SLMAP: variants seen among roughly 807,000 people sequenced by gnomAD.
SLMAP encodes the protein sarcolemma associated protein.
In SLMAP, 44 loss-of-function variants were observed where a neutral mutation model predicts 128.8. The ratio of observed to expected loss-of-function variants is 0.34; its 90% CI spans 0.27 to 0.44. The LOEUF (loss-of-function observed/expected upper bound fraction) is 0.44, where lower values mean the gene tolerates loss of function less well. SLMAP is among the 20% of genes least tolerant of loss of function. The pLI is 1.00. For missense variants in SLMAP, 787 were observed against 985.3 expected, an observed-to-expected ratio of 0.80 and a Z score of 2.69; for synonymous variants, 327 against 348.8, an observed-to-expected ratio of 0.94 and a Z score of 0.70.
intron 23 of SLMAP, 45 bp downstream of exon 23, chr3:57,923,068 G>T: frequency 1.3e-6 from 2 of 1,579,686 alleles, no homozygotes; most frequent in Middle Eastern, 3.4e-4. Flanking sequence ...AGAGGCACAT[G>T]AGAGATTGAA....
chr3:57,816,409 G>A (rs2091868833), intron 2 of SLMAP, among the ~76,000 whole-genome samples: 1 of 152,158 alleles, frequency 6.6e-6, no homozygotes, highest in African/African-American at 2.4e-5. Flanking sequence ...CTCCCAAAGT[G>A]CTGGGATTAC....
At chr3:57,831,324 A>G in intron 2 of SLMAP, 59 bp from the exon 3 acceptor site, 1 of 1,220,230 alleles carries the variant, frequency 8.2e-7, no homozygotes, top group African/African-American at 1.6e-5. Flanking sequence ...TTTAAAAAGT[A>G]CATTTGGAAT....
At chr3:57,794,566 T>C (rs1037546639) in intron 2 of SLMAP, among the ~76,000 whole-genome samples, 2 of 152,188 alleles carry the variant, frequency 1.3e-5, no homozygotes, top group African/African-American at 4.8e-5. Context: ...AAAGAAAGTT[T>C]GTATTCATTA....
intron 15 of SLMAP, among the ~76,000 whole-genome samples, chr3:57,892,928 G>A (rs1343736816): frequency 6.6e-6 from 1 of 151,004 alleles, no homozygotes; most frequent in African/African-American, 2.4e-5. Flanking sequence ...CTGCCTCCAG[G>A]GTTTGTGCCA....
At position 57,757,657 on chromosome 3, in the gene SLMAP, G is replaced by A; in HGVS notation, c.6G>A (p.Pro2=). 4 of 1,614,018 alleles carry A rather than the reference G, an allele frequency of 2.5e-6. No individual in the cohort carries two copies. Among genetic ancestry groups the A allele is most frequent in the Non-Finnish European group, 3.4e-6 (4 of 1,179,980 alleles). M[P]SALAIFTCRP... ...ACACCCCCAGTCTATCCTCGATGCC[G>A]TCAGCCTTGGCCATCTTCACTTGCC... Residue 2 remains proline, a synonymous_variant, in exon 2 of 25, where the codon CCG becomes CCA. Transcript: ENST00000671191.
intron 14 of SLMAP, among the ~76,000 whole-genome samples, chr3:57,878,869 C>G (rs2095662351): frequency 1.3e-5 from 2 of 152,216 alleles, no homozygotes; most frequent in Non-Finnish European, 1.5e-5. Flanking sequence ...TTGGCAGTTA[C>G]AGCAGCAGAT....
rs1402819599 is a variant in SLMAP, at chr3:57,917,118, T to C, written c.2310+41T>C. On this transcript the variant is annotated intron_variant, in intron 22 of 24. Transcript: ENST00000671191. The stretch of plus-strand genomic sequence containing the variant: ...ATTATGAGCCCAATTATGGTTGGAC[T>C]TAAAGCCAAAAGCAAATCGGATATC... 4.3e-6 allele frequency: 7 copies of C among 1,612,048 alleles called. No homozygotes were observed. The African/African-American group carries it at 9.4e-5, about 22-fold the overall frequency.
chr3:57,778,382 A>G (rs868862493), intron 2 of SLMAP, among the ~76,000 whole-genome samples: 2 of 147,720 alleles, frequency 1.4e-5, no homozygotes, highest in African/African-American at 2.5e-5. Context: ...TTTTTTTTCC[A>G]TTACACTTTG....
intron 3 of SLMAP, among the ~76,000 whole-genome samples, chr3:57,838,765 G>T (rs2093764509): frequency 6.6e-6 from 1 of 152,194 alleles, no homozygotes; most frequent in Non-Finnish European, 1.5e-5. Context: ...GGGACAGCCT[G>T]TGTAAAAGGC....
At chr3:57,874,480 G>A (rs747362561) in intron 14 of SLMAP, among the ~76,000 whole-genome samples, 9 of 150,754 alleles carry the variant, frequency 6.0e-5, no homozygotes, top group African/African-American at 9.8e-5. Context: ...ACTTTTTGCC[G>A]GTAGTCCCAG....
intron 2 of SLMAP, among the ~76,000 whole-genome samples, chr3:57,802,341 GATCT>G (rs2088715450): frequency 6.6e-6 from 1 of 151,700 alleles, no homozygotes; most frequent in Non-Finnish European, 1.5e-5. Context: ...GCAGTGGCAT[GATCT>G]CAGCTCACTG....
chr3:57,861,319 C>T (rs1231477983), intron 9 of SLMAP, among the ~76,000 whole-genome samples: 1 of 152,094 alleles, frequency 6.6e-6, no homozygotes, highest in East Asian at 1.9e-4. Context: ...GAGGAGCAAT[C>T]AAAATGCAAT....
At chr3:57,823,581 G>T (rs1560120066) in intron 2 of SLMAP, among the ~76,000 whole-genome samples, 1 of 152,152 alleles carries the variant, frequency 6.6e-6, no homozygotes, top group Non-Finnish European at 1.5e-5. Context: ...AGTATTCCAT[G>T]GTGTATATGT....
chr3:57,862,141 G>C (rs2095097088), intron 10 of SLMAP, 55 bp downstream of exon 10: 1 of 1,392,070 alleles, frequency 7.2e-7, no homozygotes, highest in African/African-American at 1.4e-5. Flanking sequence ...TAACACACTA[G>C]ATAGCTTAAG....
rs887002953 is a variant in SLMAP, at chr3:57,916,960, T to A, written c.2193T>A (p.Ser731=). 18 of 1,613,642 alleles carry A rather than the reference T, an allele frequency of 1.1e-5. No individual in the cohort carries two copies. The African/African-American group carries it at 2.3e-4, about 20-fold the overall frequency. Residue 731 remains serine, a synonymous_variant, in exon 22 of 25, where the codon TCT becomes TCA. Coordinates refer to ENST00000671191, the MANE Select transcript of SLMAP (RefSeq NM_001377540.1). ...GTGATCTCAGCATCCTTCAAATGTC[T>A]AGGAAAGAACTTGAGAATCAAGTGG... ...LTSDLSILQM[S]RKELENQVGS...
At position 57,798,993 on chromosome 3, in the gene SLMAP, AT is replaced by A. The variant is rs2087484496; in HGVS notation, c.199-32386del. Among the ~76,000 whole-genome samples the A allele has an allele frequency of 2.0e-5, 3 of 152,274 alleles. No homozygotes were observed. The South Asian group carries it at 6.2e-4, about 32-fold the overall frequency. On this transcript the variant is annotated intron_variant, in intron 2 of 24. Transcript: ENST00000671191. ...CTTATGGGGTAAGAATGGAAATTATATTTTAATATATTTAATATTAGATCTT... is the reference window on the plus strand; with the variant it reads ...CTTATGGGGTAAGAATGGAAATTATATTTAATATATTTAATATTAGATCTT...
chr3:57,850,270 T>C (rs2094453445), intron 6 of SLMAP, among the ~76,000 whole-genome samples: 1 of 152,090 alleles, frequency 6.6e-6, no homozygotes, highest in African/African-American at 2.4e-5. Context: ...AGAAAAGAAA[T>C]ACTGTCTTTT....
Position 57,757,606 on chromosome 3 carries a change from ACTC to A in SLMAP, c.-42_-40del. ...TGAAGGGCAGTCCGGATCCGGAGGA[ACTC>A]CTCTTTGTCCCTGGTAGGAGAGACA... is the stretch of plus-strand genomic sequence containing the variant. On this transcript the variant is annotated 5_prime_UTR_variant, in exon 2 of 25. Coordinates refer to ENST00000671191, the MANE Select transcript of SLMAP (RefSeq NM_001377540.1). The A allele has an allele frequency of 1.9e-6, 3 of 1,593,666 alleles. No individual in the cohort carries two copies. The highest frequency in any genetic ancestry group is 8.6e-7 in the Non-Finnish European group (1 of 1,164,068).
At chr3:57,829,669 TA>T (rs2093198055) in intron 2 of SLMAP, among the ~76,000 whole-genome samples, 1 of 152,244 alleles carries the variant, frequency 6.6e-6, no homozygotes, top group Admixed American at 6.5e-5. Context: ...TACAAACTGC[TA>T]ATCAAAGTAA....
Sources: allele counts gnomAD v4.1 joint callset (sites outside exome capture counted in the v4.1 genomes callset), GRCh38; gene constraint gnomAD v4.1.1; transcripts MANE v1.5; gene names NCBI Gene and HGNC (gene_info 2026-07-23, HGNC 2026-07-21).